The following PDZRN4 variants were observed in gnomAD, a reference collection of about 807,000 sequenced individuals.
PDZRN4 encodes PDZ domain containing ring finger 4, also known as PDZ domain-containing RING finger protein 4.
PDZRN4 carries 70 observed loss-of-function variants against 99.0 expected under a neutral mutation model. The observed-to-expected ratio is 0.71, with a 90% CI of 0.58 to 0.86. The LOEUF is 0.86. PDZRN4 is among the 40% of genes least tolerant of loss of function. The probability of loss-of-function intolerance (pLI) is 0.00; values close to 1 mark genes in which losing one functional copy is unlikely to be tolerated. For synonymous variants in PDZRN4, 551 were observed against 501.6 expected (o/e 1.10, Z -1.32); for missense variants, 1,474 against 1,331.2 (o/e 1.11, Z -1.67).
chr12:41,569,041 A>T (rs1175740111), intron 9 of PDZRN4, among the ~76,000 whole-genome samples: 4 of 151,544 alleles, frequency 2.6e-5, no homozygotes, highest in Non-Finnish European at 5.9e-5. Context: ...TGACCTCGTG[A>T]TCCACCTGCC....
chr12:41,288,643 A>G (rs1453505591), intron 3 of PDZRN4, among the ~76,000 whole-genome samples: 2 of 152,178 alleles, frequency 1.3e-5, no homozygotes, highest in Non-Finnish European at 2.9e-5. Context: ...TGAGAAATCA[A>G]TAAATCCTCA....
rs1321706493 is a variant in PDZRN4 at position 41,490,207 on chromosome 12, C to T, written c.844-16249C>T. Among the ~76,000 whole-genome samples, 49 of 152,170 alleles carry T rather than the reference C, an allele frequency of 3.2e-4. 1 individual carries two copies. The highest frequency in any genetic ancestry group is 3.2e-3 in the Admixed American group (49 of 15,262). On this transcript the variant is annotated intron_variant, in intron 3 of 9. Coordinates refer to ENST00000402685, the MANE Select transcript of PDZRN4 (RefSeq NM_001164595.2). ...TGCAGATATCAAGACTAACTCCCCT[C>T]ATCTTTGATGACTTCACATGTGTTT...
At chr12:41,224,110 G>GT in intron 3 of PDZRN4, among the ~76,000 whole-genome samples, 1 of 152,342 alleles carries the variant, frequency 6.6e-6, no homozygotes, top group African/African-American at 2.4e-5. Context: ...ATTGCCTATG[G>GT]TTGCATCTGA....
At chr12:41,501,745 A>T (rs1282995213) in intron 3 of PDZRN4, among the ~76,000 whole-genome samples, 2 of 152,264 alleles carry the variant, frequency 1.3e-5, no homozygotes, top group East Asian at 3.9e-4. Context: ...AAAAATTTAC[A>T]TGTGTTTATT....
chr12:41,194,140 A>T lies in PDZRN4; in HGVS notation c.795A>T (p.Gly265=), dbSNP rs185512118. 2 of 1,572,810 alleles carry T rather than the reference A, an allele frequency of 1.3e-6. No homozygotes were observed. The highest frequency in any genetic ancestry group is 4.5e-5 in the East Asian group (2 of 44,720). ...ACGTTTCAAAAATTTTAGAAAATGGACCTGCTGACAGAGCAGATGGCCTGG... is the reference window on the plus strand; with the variant it reads ...ACGTTTCAAAAATTTTAGAAAATGGTCCTGCTGACAGAGCAGATGGCCTGG... ...GIYVSKILEN[G]PADRADGLEI... The change falls in exon 3 of 10, where the codon GGA becomes GGT. Residue 265 remains glycine, a synonymous_variant. Transcript: ENST00000402685.
At chr12:41,262,141 T>C (rs1951244750) in intron 3 of PDZRN4, among the ~76,000 whole-genome samples, 1 of 152,224 alleles carries the variant, frequency 6.6e-6, no homozygotes, top group Non-Finnish European at 1.5e-5. Flanking sequence ...GTTCCCTAAA[T>C]TAGCGTCTTC....
intron 3 of PDZRN4, among the ~76,000 whole-genome samples, chr12:41,429,079 T>C (rs2120432527): frequency 6.6e-6 from 1 of 152,242 alleles, no homozygotes; most frequent in Middle Eastern, 3.4e-3. Flanking sequence ...TTTTTAATAG[T>C]CCCAATGGAA....
intron 3 of PDZRN4, among the ~76,000 whole-genome samples, chr12:41,457,408 C>T (rs1432865077): frequency 3.9e-5 from 6 of 152,158 alleles, no homozygotes; most frequent in African/African-American, 7.2e-5. Context: ...CTAAATTTTT[C>T]ACAGAGGAAA....
intron 3 of PDZRN4, among the ~76,000 whole-genome samples, chr12:41,450,102 A>G (rs2120498022): frequency 6.6e-6 from 1 of 152,284 alleles, no homozygotes. Flanking sequence ...GCCTAAGAAA[A>G]CCATGAGAAT....
At chr12:41,493,121 TA>T (rs1333063013) in intron 3 of PDZRN4, among the ~76,000 whole-genome samples, 1 of 152,212 alleles carries the variant, frequency 6.6e-6, no homozygotes, top group Non-Finnish European at 1.5e-5. Context: ...AAAATTGTTC[TA>T]AAAAGCCACA....
chr12:41,509,774 T>G, intron 4 of PDZRN4, 37 bp from the exon 5 acceptor site: 2 of 954,130 alleles, frequency 2.1e-6, no homozygotes, highest in Non-Finnish European at 1.6e-6. Flanking sequence ...AACAACCCAT[T>G]TAATCTATTC....
chr12:41,441,671 G>T (rs1952682183), intron 3 of PDZRN4, among the ~76,000 whole-genome samples: 1 of 152,010 alleles, frequency 6.6e-6, no homozygotes, highest in African/African-American at 2.4e-5. Context: ...TCCCTTCTCT[G>T]GGTGCTGTCC....
chr12:41,242,473 T>C (rs746995664), intron 3 of PDZRN4, among the ~76,000 whole-genome samples: 6 of 152,216 alleles, frequency 3.9e-5, no homozygotes, highest in Non-Finnish European at 7.4e-5. Context: ...CCTCGCTGGT[T>C]ACACAACTAT....
chr12:41,437,005 T>G (rs1236789683), intron 3 of PDZRN4, among the ~76,000 whole-genome samples: 1 of 152,136 alleles, frequency 6.6e-6, no homozygotes, highest in Non-Finnish European at 1.5e-5. Flanking sequence ...CAAATCTACA[T>G]GCGTTATATG....
At chr12:41,208,324 A>G (rs1950864551) in intron 3 of PDZRN4, among the ~76,000 whole-genome samples, 1 of 151,934 alleles carries the variant, frequency 6.6e-6, no homozygotes, top group African/African-American at 2.4e-5. Flanking sequence ...CTGCTTTAAG[A>G]GTGATTCCCA....
Position 41,509,901 on chromosome 12 carries a change from C to T in PDZRN4, c.1191C>T (p.Asp397=). The T allele has an allele frequency of 6.5e-7, 1 of 1,549,452 alleles. No homozygotes were observed. Among genetic ancestry groups the T allele is most frequent in the Non-Finnish European group, 8.9e-7 (1 of 1,127,236 alleles). The change falls in exon 5 of 10, where the codon GAC becomes GAT. Residue 397 remains aspartate, a synonymous_variant. Coordinates refer to ENST00000402685, the MANE Select transcript of PDZRN4 (RefSeq NM_001164595.2). The part of the protein sequence containing the change: ...SLPADADRTE[D]FEYEEVELCR... ...CTGCTGATGCAGACAGAACAGAAGA[C>T]TTTGAATATGAGGTAAGGTCATTTT...
rs17129437 is a variant in PDZRN4, at chr12:41,519,893, G to A, written c.1203+9980G>A. ...TTTGGAAAACTCAGGCCTATATAAT[G>A]AAATGTAAACTCCATAGCACATGAG... On this transcript the variant is annotated intron_variant, in intron 5 of 9. Transcript: ENST00000402685. Among the ~76,000 whole-genome samples, 751 of 152,126 alleles carry A rather than the reference G, an allele frequency of 4.9e-3. 8 individuals carry two copies. The highest frequency in any genetic ancestry group is 0.017 in the African/African-American group (723 of 41,528).
intron 3 of PDZRN4, among the ~76,000 whole-genome samples, chr12:41,331,805 A>T (rs964823303): frequency 5.3e-5 from 8 of 152,060 alleles, no homozygotes; most frequent in Admixed American, 1.3e-4. Context: ...GCAAAGCAAG[A>T]AAAGCCCCTT....
chr12:41,232,096 A>C (rs1409063556), intron 3 of PDZRN4, among the ~76,000 whole-genome samples: 2 of 110,142 alleles, frequency 1.8e-5, no homozygotes, highest in African/African-American at 5.5e-5. Context: ...AGAAAATTGC[A>C]AAGACATGTT....
Sources: gnomAD v4.1 joint callset for allele counts (sites outside exome capture counted in the v4.1 genomes callset) on GRCh38, gnomAD v4.1.1 for gene constraint, MANE v1.5 for transcripts, NCBI Gene and HGNC (gene_info 2026-07-23, HGNC 2026-07-21) for gene names.